Variants in ME3 observed in about 807,000 individuals in gnomAD.
ME3 encodes NADP-dependent malic enzyme, mitochondrial.
A neutral mutation model predicts 68.9 loss-of-function variants in ME3; 48 were observed. That is an observed-to-expected ratio of 0.70 (90% CI 0.55 to 0.89). ME3 has a LOEUF of 0.89. Among genes scored for constraint, ME3 ranks in the 40% least tolerant of loss-of-function variants. The pLI is 0.00. For synonymous variants in ME3, 320 were observed against 318.8 expected, an observed-to-expected ratio of 1.00 and a Z score of -0.04; for missense variants, 675 against 797.4, an observed-to-expected ratio of 0.85 and a Z score of 1.85.
In ME3 at chr11:86,447,180, G is replaced by A. The variant is rs768809822; in HGVS notation, c.1265C>T (p.Thr422Met). ...GGCCATGTCCCTCAGAATCTGCTCC[G>A]TGAAGGCTCCTGCGATGGCAGCAAC... Residue 422 changes from threonine (T) to methionine (M), a missense_variant, in exon 12 of 15, where the codon ACG (threonine) becomes ATG (methionine). Physicochemically the swap from Thr to Met is moderately conservative, Grantham distance 81. Coordinates refer to ENST00000543262, the Ensembl canonical transcript of ME3. 22 of 1,614,012 alleles carry A rather than the reference G, an allele frequency of 1.4e-5. No individual in the cohort carries two copies. The highest frequency in any genetic ancestry group is 1.8e-5 in the Non-Finnish European group (21 of 1,180,012).
intron 2 of ME3, among the ~76,000 whole-genome samples, chr11:86,629,335 C>A (rs1254263077): frequency 1.3e-5 from 2 of 151,480 alleles, no homozygotes. Context: ...AGGGCTCGTA[C>A]TCATTTATTT....
intron 2 of ME3, among the ~76,000 whole-genome samples, chr11:86,562,077 C>G (rs769667776): frequency 6.6e-6 from 1 of 152,172 alleles, no homozygotes; most frequent in African/African-American, 2.4e-5. Flanking sequence ...GTTCATCTCT[C>G]TTTCCTTCCC....
chr11:86,635,431 C>G (rs900459216), intron 2 of ME3, among the ~76,000 whole-genome samples: 1 of 152,198 alleles, frequency 6.6e-6, no homozygotes, highest in Non-Finnish European at 1.5e-5. Context: ...ATAAGCCACA[C>G]AGTCTATGGT....
intron 4 of ME3, among the ~76,000 whole-genome samples, chr11:86,527,855 G>A (rs2139240160): frequency 6.6e-6 from 1 of 152,302 alleles, no homozygotes; most frequent in East Asian, 1.9e-4. Flanking sequence ...CCTGAAGGAA[G>A]CACTAAACAT....
intron 2 of ME3, among the ~76,000 whole-genome samples, chr11:86,570,498 C>A (rs1007846536): frequency 6.6e-6 from 1 of 152,120 alleles, no homozygotes; most frequent in East Asian, 1.9e-4. Flanking sequence ...ATGAGAGCCC[C>A]TGAGCACACT....
rs75412747 is a variant in ME3 at position 86,445,049 on chromosome 11, G to T, written c.1554+1265C>A. ...ATGTCCCATGGTATTATATAGGCAG[G>T]ACTGTAGCAATTGTGTTTTTACTCA... On this transcript the variant is annotated intron_variant, in intron 13 of 14. Coordinates refer to ENST00000543262, the Ensembl canonical transcript of ME3. Among the ~76,000 whole-genome samples the T allele has an allele frequency of 3.1e-3, 469 of 152,272 alleles. 6 individuals are homozygous for T. Among genetic ancestry groups the T allele is most frequent in the African/African-American group, 0.011 (448 of 41,540 alleles).
intron 4 of ME3, among the ~76,000 whole-genome samples, chr11:86,546,626 A>AT (rs1369024480): frequency 6.6e-6 from 1 of 152,280 alleles, no homozygotes; most frequent in Non-Finnish European, 1.5e-5. Flanking sequence ...ATACCATCTC[A>AT]TGCCAGTTAG....
At chr11:86,617,045 G>GTT (rs563738961) in intron 2 of ME3, among the ~76,000 whole-genome samples, 2,556 of 56,154 alleles carry the variant, frequency 0.046, 471 homozygotes, top group East Asian at 0.17. Flanking sequence ...CAAGATAGTA[G>GTT]TTTTTTTTTT....
rs1220647245 is a variant in ME3, at chr11:86,556,632, C to A, written c.388G>T (p.Glu130Ter). 6.2e-7 allele frequency: 1 copy of A among 1,614,028 alleles called. No homozygotes were observed. The highest frequency in any genetic ancestry group is 8.5e-7 in the Non-Finnish European group (1 of 1,179,972). Residue 130 changes from glutamate (E) to a stop codon, truncating the protein, a stop_gained, in exon 4 of 15, where the codon GAG becomes TAG. Transcript: ENST00000543262. LOFTEE classifies it high-confidence loss of function. ...GTGTACACGATTGGCATGAACTTCT[C>A]CACGTCCGAAGTCAGCACTCGGTAG...
intron 8 of ME3, among the ~76,000 whole-genome samples, chr11:86,456,186 G>T (rs535924937): frequency 2.6e-5 from 4 of 152,306 alleles, no homozygotes; most frequent in African/African-American, 9.6e-5. Flanking sequence ...CTAGTTTCCT[G>T]CCATTGGCTA....
chr11:86,580,611 T>A (rs1160509951), intron 2 of ME3, among the ~76,000 whole-genome samples: 1 of 152,182 alleles, frequency 6.6e-6, no homozygotes, highest in African/African-American at 2.4e-5. Flanking sequence ...GTGGTAGGTA[T>A]AGAATGAACT....
At chr11:86,616,744 G>T (rs1048152188) in intron 2 of ME3, among the ~76,000 whole-genome samples, 2 of 152,156 alleles carry the variant, frequency 1.3e-5, no homozygotes, top group Non-Finnish European at 2.9e-5. Context: ...AATAAGGAAA[G>T]ATTGAGACAC....
At chr11:86,471,141 CTTTTT>C (rs1163128094) in intron 7 of ME3, among the ~76,000 whole-genome samples, 2 of 75,044 alleles carry the variant, frequency 2.7e-5, no homozygotes, top group African/African-American at 6.3e-5. Flanking sequence ...AGGCCCAGAG[CTTTTT>C]TTTTTTTTTT....
At position 86,562,268 on chromosome 11, in the gene ME3, A is replaced by T. The variant is rs554735480; in HGVS notation, c.184-2445T>A. ...TTGAATAACATTCCACTGTACATTTATACCATAGTTTGTTTCTCCACTTAT... is the reference window on the plus strand; with the variant it reads ...TTGAATAACATTCCACTGTACATTTTTACCATAGTTTGTTTCTCCACTTAT... On this transcript the variant is annotated intron_variant, in intron 2 of 14. Coordinates refer to ENST00000543262, the Ensembl canonical transcript of ME3. Among the ~76,000 whole-genome samples, 396 of 152,338 alleles carry T rather than the reference A, an allele frequency of 2.6e-3. 4 individuals carry two copies. The highest frequency in any genetic ancestry group is 8.8e-3 in the African/African-American group (366 of 41,586).
chr11:86,470,555 A>G (rs1950728482), intron 7 of ME3, among the ~76,000 whole-genome samples: 2 of 152,346 alleles, frequency 1.3e-5, no homozygotes, highest in East Asian at 1.9e-4. Flanking sequence ...AGCATACACA[A>G]TGTGTATTAA....
At chr11:86,506,373 T>C (rs1232039488) in intron 5 of ME3, among the ~76,000 whole-genome samples, 1 of 152,194 alleles carries the variant, frequency 6.6e-6, no homozygotes, top group Admixed American at 6.5e-5. Flanking sequence ...TATTTTGAAT[T>C]TACATCTTGG....
rs906151535 is a variant in ME3, at chr11:86,607,987, T to A, written c.184-48164A>T. On this transcript the variant is annotated intron_variant, in intron 2 of 14. Transcript: ENST00000543262. ...GTGCCAGAAGTACCTATGAGGTATT[T>A]CCCACATGCTTGGCACCAGGCTACT... 2.0e-5 allele frequency among the ~76,000 whole-genome samples: 3 copies of A among 152,144 alleles called. No individual in the cohort carries two copies. In the East Asian group the frequency reaches 5.8e-4, roughly 29 times the overall value.
rs192816826 is a variant in ME3, at chr11:86,579,829, G to T, written c.184-20006C>A. Among the ~76,000 whole-genome samples the T allele has an allele frequency of 1.0e-3, 158 of 152,312 alleles. 1 individual carries two copies. The highest frequency in any genetic ancestry group is 3.7e-3 in the African/African-American group (154 of 41,562). On this transcript the variant is annotated intron_variant, in intron 2 of 14. Coordinates refer to ENST00000543262, the Ensembl canonical transcript of ME3. ...CTAAAATTAATAGAGAAACTCAAAG[G>T]TCAATGGATTCCAAGTTAGAAGTTC...
At chr11:86,659,320 G>A (rs1946125161) in intron 2 of ME3, among the ~76,000 whole-genome samples, 1 of 152,192 alleles carries the variant, frequency 6.6e-6, no homozygotes, top group Non-Finnish European at 1.5e-5. Context: ...GCTGATTCAA[G>A]ACCCTATTTC....
Sources: gnomAD v4.1 joint callset for allele counts (sites outside exome capture counted in the v4.1 genomes callset) on GRCh38, gnomAD v4.1.1 for gene constraint, MANE v1.5 for transcripts, NCBI Gene and HGNC (gene_info 2026-07-23, HGNC 2026-07-21) for gene names.